The following PTP4A3 variants were observed in gnomAD, a reference collection of about 807,000 sequenced individuals.
The protein encoded by PTP4A3 is protein tyrosine phosphatase 4A3, also known as protein tyrosine phosphatase type IVA 3.
Under a neutral mutation model 15.2 loss-of-function variants are expected in PTP4A3, and 9 were observed. The ratio of observed to expected loss-of-function variants is 0.59; its 90% confidence interval spans 0.36 to 1.03. The LOEUF (loss-of-function observed/expected upper bound fraction) is 1.03. Among genes scored for constraint, PTP4A3 ranks in the 50% least tolerant of loss-of-function variants. The pLI, the probability that PTP4A3 is intolerant of heterozygous loss-of-function variation, is 0.02. For missense variants in PTP4A3, 234 were observed against 252.1 expected, an observed-to-expected ratio of 0.93 and a Z score of 0.49; for synonymous variants, 95 against 102.0, an observed-to-expected ratio of 0.93 and a Z score of 0.41.
intron 1 of PTP4A3, among the ~76,000 whole-genome samples, chr8:141,417,053 T>C (rs1409936180): frequency 6.6e-6 from 1 of 152,098 alleles, no homozygotes; most frequent in Admixed American, 6.5e-5. Flanking sequence ...GCTGCATCCC[T>C]GGGGTTCATA....
intron 2 of PTP4A3, 142 bp from the exon 3 acceptor site, chr8:141,424,906 C>G (rs911977225): frequency 1.0e-5 from 7 of 691,232 alleles, no homozygotes; most frequent in Non-Finnish European, 1.5e-5. Context: ...GGCTCCACCC[C>G]GAGAGGTCTG....
chr8:141,427,934 G>A (rs768285801), intron 5 of PTP4A3, 110 bp downstream of exon 5: 29 of 1,078,870 alleles, frequency 2.7e-5, no homozygotes, highest in Non-Finnish European at 3.7e-5. Flanking sequence ...CTGAGGCTGC[G>A]TCGATCAGCA....
chr8:141,422,423 A>G (rs963465322), intron 2 of PTP4A3, 78 bp downstream of exon 2: 82 of 1,511,130 alleles, frequency 5.4e-5, no homozygotes, highest in Non-Finnish European at 7.2e-5. Context: ...CAGGCCTCGC[A>G]AGAGGGGTCC....
chr8:141,402,602 G>A (rs759370252), intron 1 of PTP4A3, among the ~76,000 whole-genome samples: 1 of 152,166 alleles, frequency 6.6e-6, no homozygotes, highest in South Asian at 2.1e-4. Context: ...CGGGAGCTGG[G>A]TGGAGTGGGG....
chr8:141,428,713 G>A lies in PTP4A3; in HGVS notation c.404+889G>A, dbSNP rs149352912. 7.7e-4 allele frequency among the ~76,000 whole-genome samples: 118 copies of A among 152,316 alleles called. 1 individual carries two copies. Among genetic ancestry groups the A allele is most frequent in the African/African-American group, 2.7e-3 (114 of 41,566 alleles). On this transcript the variant is annotated intron_variant, in intron 5 of 5. Coordinates refer to ENST00000521578, the MANE Select transcript of PTP4A3 (RefSeq NM_032611.3). ...CAGGTCTCCCTGGGGACCATGGGAT[G>A]TGCACGCTCACACACAGACACGCAT...
At chr8:141,423,943 A>G (rs929257849) in intron 2 of PTP4A3, among the ~76,000 whole-genome samples, 1 of 151,458 alleles carries the variant, frequency 6.6e-6, no homozygotes, top group African/African-American at 2.4e-5. Context: ...GATCAGGATT[A>G]GGGCTCAGAG....
Position 141,430,934 on chromosome 8 carries a change from C to T in PTP4A3, c.412C>T (p.Arg138Cys), listed in dbSNP as rs145157893. 1.7e-5 allele frequency: 28 copies of T among 1,613,038 alleles called. No individual in the cohort carries two copies. Among genetic ancestry groups the T allele is most frequent in the East Asian group, 4.5e-5 (2 of 44,894 alleles). Reference protein sequence around the residue: ...DAIQFIRQKRRGAINSKQLTY... With the variant: ...DAIQFIRQKRCGAINSKQLTY... The stretch of plus-strand genomic sequence containing the variant: ...CTGTTCCCCTCTTCCCAGGAAGCGC[C>T]GCGGAGCCATCAACAGCAAGCAGCT... The change falls in exon 6 of 6, where the codon CGC (arginine) becomes TGC (cysteine). Residue 138 changes from arginine to cysteine, a missense_variant. Arg to Cys is a radical substitution (Grantham distance 180). Coordinates refer to ENST00000521578, the MANE Select transcript of PTP4A3 (RefSeq NM_032611.3).
rs185756698 is a variant in PTP4A3 at position 141,425,831 on chromosome 8, G to A, written c.198+691G>A. On this transcript the variant is annotated intron_variant, in intron 3 of 5. Transcript: ENST00000521578. The surrounding 1 kb of genome is among the most constrained non-coding windows in gnomAD (Gnocchi z 4.2). ...TGCAGTTTTGTGACCTCAGCTTGGC[G>A]GTTTGGAATGGTGGCAGCGCTGGCG... Among the ~76,000 whole-genome samples the A allele has an allele frequency of 3.3e-5, 5 of 152,320 alleles. No individual in the cohort carries two copies. The highest frequency in any genetic ancestry group is 3.9e-4 in the East Asian group (2 of 5,182).
chr8:141,413,257 G>A (rs940503509), intron 1 of PTP4A3, among the ~76,000 whole-genome samples: 7 of 152,218 alleles, frequency 4.6e-5, no homozygotes, highest in East Asian at 1.9e-4. Context: ...GGACTGGGGC[G>A]GGGAGAGGCT....
At chr8:141,400,261 C>CA (rs1366869923) in intron 1 of PTP4A3, among the ~76,000 whole-genome samples, 3 of 144,830 alleles carry the variant, frequency 2.1e-5, no homozygotes, top group East Asian at 3.9e-4. Context: ...GCACCTTGCC[C>CA]ACCACTGTGC....
intron 3 of PTP4A3, chr8:141,426,324 G>A (rs1833575653): frequency 3.3e-6 from 2 of 613,614 alleles, no homozygotes; most frequent in East Asian, 1.4e-4. Flanking sequence ...GGCGCTGGGG[G>A]ACGGGACAGT....
chr8:141,397,634 A>T (rs548272120), intron 1 of PTP4A3, among the ~76,000 whole-genome samples: 3 of 152,302 alleles, frequency 2.0e-5, no homozygotes, highest in African/African-American at 7.2e-5. Flanking sequence ...GGTATTGGTC[A>T]TGAGAACCCT....
intron 1 of PTP4A3, 111 bp from the exon 2 acceptor site, chr8:141,421,277 C>T (rs1448513431): frequency 6.6e-6 from 1 of 152,346 alleles, no homozygotes; most frequent in Non-Finnish European, 1.5e-5. Context: ...GAGGAGGGCT[C>T]TGGGAGAGGT....
At chr8:141,414,843 G>A (rs1466997787) in intron 1 of PTP4A3, among the ~76,000 whole-genome samples, 1 of 152,034 alleles carries the variant, frequency 6.6e-6, no homozygotes, top group East Asian at 1.9e-4. Flanking sequence ...AGGTACGAGG[G>A]CTCCGCCCCC....
rs972025734 is a variant in PTP4A3, at chr8:141,394,628, G to A, written c.-854+2544G>A. Among the ~76,000 whole-genome samples, 5 of 152,232 alleles carry A rather than the reference G, an allele frequency of 3.3e-5. No individual in the cohort carries two copies. The South Asian group carries it at 8.3e-4, about 25-fold the overall frequency. ...CTCCGTTTCCACACCTGTAAAATGG[G>A]AGCAATGACAGGTCTTCCTGGCAGG... is the stretch of plus-strand genomic sequence containing the variant. On this transcript the variant is annotated intron_variant, in intron 1 of 5. Transcript: ENST00000521578.
At chr8:141,415,542 G>A (rs886522612) in intron 1 of PTP4A3, among the ~76,000 whole-genome samples, 15 of 148,616 alleles carry the variant, frequency 1.0e-4, no homozygotes, top group African/African-American at 3.7e-4. Context: ...GGAGCGTTCC[G>A]GGATCCTTCG....
chr8:141,430,822 G>A lies in PTP4A3; in HGVS notation c.405-105G>A. 4 of 1,081,432 alleles carry A rather than the reference G, an allele frequency of 3.7e-6. No individual in the cohort carries two copies. The East Asian group carries it at 7.4e-5, about 20-fold the overall frequency. 67.0% of individuals were successfully genotyped at this position (1,081,432 alleles called of 1,614,324 possible). On this transcript the variant is annotated intron_variant, in intron 5 of 5. Transcript: ENST00000521578. ...CAGGAGGGGCTTGGCCAGCCTCAAGGCCTTACTCCAGCCCACTGCACTCTC... is the reference window on the plus strand; with the variant it reads ...CAGGAGGGGCTTGGCCAGCCTCAAGACCTTACTCCAGCCCACTGCACTCTC...
chr8:141,419,136 T>C (rs1431218996), intron 1 of PTP4A3, among the ~76,000 whole-genome samples: 1 of 151,878 alleles, frequency 6.6e-6, no homozygotes, highest in Non-Finnish European at 1.5e-5. Flanking sequence ...AGGCCTTCAG[T>C]GGGGGGTAGT....
rs780282009 is a variant in PTP4A3, at chr8:141,422,292, C to G, written c.52C>G (p.Arg18Gly). 6.2e-7 allele frequency: 1 copy of G among 1,613,388 alleles called. No individual in the cohort carries two copies. The highest frequency in any genetic ancestry group is 8.5e-7 in the Non-Finnish European group (1 of 1,180,006). The change falls in exon 2 of 6, where the codon CGC (arginine) becomes GGC (glycine). Residue 18 changes from arginine (R) to glycine (G), a missense_variant. Transcript: ENST00000521578. ...GGTGGAGGTGAGCTACAAACACATG[C>G]GCTTCCTCATCACCCACAACCCCAC... ...APVEVSYKHM[R>G]FLITHNPTNA... is the part of the protein sequence containing the mutation.
Sources: allele counts gnomAD v4.1 joint callset (sites outside exome capture counted in the v4.1 genomes callset), GRCh38; gene constraint gnomAD v4.1.1; non-coding constraint Gnocchi (gnomAD v3.1); transcripts MANE v1.5; gene names NCBI Gene and HGNC (gene_info 2026-07-23, HGNC 2026-07-21).